Variants in LPA observed in about 807,000 individuals in gnomAD.
The protein encoded by LPA is apolipoprotein(a).
A neutral mutation model predicts 197.9 loss-of-function variants in LPA; 199 were observed. The observed-to-expected ratio is 1.01, with a 90% confidence interval of 0.90 to 1.13. The LOEUF is 1.13. Among genes scored for constraint, LPA ranks in the 50% most tolerant of loss-of-function variants. The probability of loss-of-function intolerance (pLI) is 0.00; values close to 1 mark genes in which losing one functional copy is unlikely to be tolerated. For synonymous variants in LPA, 715 were observed against 639.5 expected (o/e 1.12, Z -1.78); for missense variants, 1,853 against 1,785.8 (o/e 1.04, Z -0.68).
intron 21 of LPA, 65 bp downstream of exon 21, chr6:160,595,289 A>C (rs1410940890): frequency 1.3e-6 from 2 of 1,589,504 alleles, no homozygotes; most frequent in African/African-American, 2.7e-5. Flanking sequence ...CTATATCACT[A>C]AGATTTTGCA....
At chr6:160,574,687 T>C (rs1434021469) in intron 28 of LPA, among the ~76,000 whole-genome samples, 1 of 152,196 alleles carries the variant, frequency 6.6e-6, no homozygotes, top group African/African-American at 2.4e-5. Context: ...TCTCCAGTTG[T>C]GGGGTGTGTT....
At chr6:160,578,408 C>G (rs1778725119) in intron 27 of LPA, 115 bp downstream of exon 27, 1 of 1,327,962 alleles carries the variant, frequency 7.5e-7, no homozygotes, top group Non-Finnish European at 1.1e-6. Flanking sequence ...AGGCTTTCCT[C>G]CACATTGCAG....
At chr6:160,658,418 C>T (rs1481934961) in intron 1 of LPA, among the ~76,000 whole-genome samples, 6 of 152,198 alleles carry the variant, frequency 3.9e-5, no homozygotes, top group Non-Finnish European at 8.8e-5. Flanking sequence ...AACTCTCATT[C>T]AGGGCAATCT....
intron 2 of LPA, among the ~76,000 whole-genome samples, chr6:160,647,060 A>C (rs1392912865): frequency 6.6e-6 from 1 of 152,068 alleles, no homozygotes; most frequent in East Asian, 1.9e-4. Context: ...GCCCTGGAAA[A>C]CTTGCTCCCA....
intron 1 of LPA, among the ~76,000 whole-genome samples, chr6:160,660,074 T>C (rs77638119): frequency 0.062 from 7,522 of 121,998 alleles, no homozygotes; most frequent in African/African-American, 0.13. Context: ...CAATGTTTCT[T>C]GTTTCTTTAA....
chr6:160,655,533 G>T (rs1180592874), intron 1 of LPA, among the ~76,000 whole-genome samples: 1 of 152,206 alleles, frequency 6.6e-6, no homozygotes, highest in Non-Finnish European at 1.5e-5. Context: ...AACGAGGAAT[G>T]TGTTGCCTCC....
intron 32 of LPA, among the ~76,000 whole-genome samples, chr6:160,546,429 G>GC (rs1243797580): frequency 1.3e-5 from 2 of 152,158 alleles, no homozygotes; most frequent in African/African-American, 4.8e-5. Context: ...CTTCCACCTG[G>GC]CTGTTCACCA....
intron 28 of LPA, among the ~76,000 whole-genome samples, chr6:160,564,304 T>A (rs1048863285): frequency 5.3e-5 from 8 of 152,248 alleles, no homozygotes; most frequent in African/African-American, 1.9e-4. Flanking sequence ...TAAAGGATTT[T>A]ACTTCTCCTT....
chr6:160,657,531 T>G (rs1780152949), intron 1 of LPA, among the ~76,000 whole-genome samples: 1 of 151,718 alleles, frequency 6.6e-6, no homozygotes, highest in Admixed American at 6.6e-5. Flanking sequence ...CCCAAGTAGA[T>G]GAGATTACAG....
intron 28 of LPA, among the ~76,000 whole-genome samples, chr6:160,570,178 A>T (rs1333152840): frequency 1.3e-5 from 2 of 152,254 alleles, no homozygotes; most frequent in Non-Finnish European, 2.9e-5. Flanking sequence ...ATAAAGACAC[A>T]TGCACACATA....
intron 21 of LPA, 46 bp from the exon 22 acceptor site, chr6:160,594,163 C>G: frequency 6.2e-7 from 1 of 1,607,308 alleles, no homozygotes; most frequent in Non-Finnish European, 8.5e-7. Context: ...TTCTAGAACA[C>G]AGAAGCATCA....
Position 160,571,908 on chromosome 6 carries a change from G to C in LPA, c.4631+5228C>G, listed in dbSNP as rs531828992. Among the ~76,000 whole-genome samples, 344 of 152,174 alleles carry C rather than the reference G, an allele frequency of 2.3e-3. 1 individual carries two copies. Among genetic ancestry groups the C allele is most frequent in the African/African-American group, 7.9e-3 (327 of 41,538 alleles). On this transcript the variant is annotated intron_variant, in intron 28 of 38. Transcript: ENST00000316300. ...TGGTTCTGTCTTGCTGGCATTCCAG[G>C]GACCACTGGGGTATGAAAAAAAACT...
Position 160,606,513 on chromosome 6 carries a change from T to A in LPA, c.2749A>T (p.Thr917Ser), listed in dbSNP as rs1582881254. Residue 917 changes from threonine (T) to serine (S), a missense_variant, in exon 17 of 39, where the codon ACC becomes TCC. Around this residue, in one of 3 missense-constraint regions of LPA, gnomAD observed 1,737 missense variants for 1,504.4 expected, o/e 1.15. Coordinates refer to ENST00000316300, the MANE Select transcript of LPA (RefSeq NM_005577.4). ...EGTAVAPPTI[T>S]PIPSLEAPSE... The stretch of plus-strand genomic sequence containing the variant: ...GGAGCCTCTAGGCTTGGAATCGGGG[T>A]AATAGTTGGAGGCGCGACGGCAGTC... The A allele has an allele frequency of 4.3e-6, 7 of 1,613,298 alleles. No homozygotes were observed. The highest frequency in any genetic ancestry group is 5.9e-6 in the Non-Finnish European group (7 of 1,179,850).
chr6:160,576,538 TCAGA>T (rs1293039340), intron 28 of LPA, among the ~76,000 whole-genome samples: 1 of 144,644 alleles, frequency 6.9e-6, no homozygotes, highest in African/African-American at 2.5e-5. Context: ...ATAAAAATAC[TCAGA>T]CATACATAGT....
rs1158223888 is a variant in LPA at position 160,576,367 on chromosome 6, CATATATAT to C, written c.4631+761_4631+768del. ...ATATATATATATATATATATATATA[CATATATAT>C]ATATATATATATATGTATATATATA... On this transcript the variant is annotated intron_variant, in intron 28 of 38. Transcript: ENST00000316300. Among the ~76,000 whole-genome samples, 97 of 78,026 alleles carry C rather than the reference CATATATAT, an allele frequency of 1.2e-3. 1 individual carries two copies. The highest frequency in any genetic ancestry group is 6.7e-3 in the East Asian group (19 of 2,816). 51.2% of individuals were successfully genotyped at this position (78,026 alleles called of 152,430 possible).
intron 22 of LPA, among the ~76,000 whole-genome samples, chr6:160,593,641 A>C (rs1779072814): frequency 6.6e-6 from 1 of 152,160 alleles, no homozygotes. Context: ...CCCTGGTTGA[A>C]CTATTGCATT....
intron 28 of LPA, among the ~76,000 whole-genome samples, chr6:160,566,905 A>G (rs1302474391): frequency 6.6e-6 from 1 of 152,270 alleles, no homozygotes; most frequent in East Asian, 1.9e-4. Context: ...GAAGGCCATT[A>G]CATAATGGTA....
chr6:160,598,854 A>G (rs1779180921), intron 20 of LPA, among the ~76,000 whole-genome samples: 1 of 152,194 alleles, frequency 6.6e-6, no homozygotes, highest in African/African-American at 2.4e-5. Context: ...CCAACACAAC[A>G]TTCACTTCAG....
intron 2 of LPA, among the ~76,000 whole-genome samples, chr6:160,648,381 A>G (rs920600975): frequency 6.6e-6 from 1 of 152,044 alleles, no homozygotes; most frequent in South Asian, 2.1e-4. Flanking sequence ...TGAGTCCGTG[A>G]TTTTTTAATC....
Sources: gnomAD v4.1 joint callset for allele counts (sites outside exome capture counted in the v4.1 genomes callset) on GRCh38, gnomAD v4.1.1 for gene constraint, gnomAD v4.1.1 regional missense constraint, MANE v1.5 for transcripts, NCBI Gene and HGNC (gene_info 2026-07-23, HGNC 2026-07-21) for gene names.